PDE4D: variants seen among roughly 807,000 people sequenced by gnomAD.
The protein encoded by PDE4D is 3',5'-cyclic-AMP phosphodiesterase 4D.
PDE4D carries 24 observed loss-of-function variants against 87.4 expected under a neutral mutation model. That is an observed-to-expected ratio of 0.27 (90% confidence interval 0.20 to 0.39). PDE4D has a LOEUF of 0.39. PDE4D is among the 10% of genes least tolerant of loss of function. PDE4D has a pLI of 1.00. For missense variants in PDE4D, 714 were observed against 1,041.0 expected (o/e 0.69, Z 4.32); for synonymous variants, 384 against 383.2 (o/e 1.00, Z -0.02).
intron 1 of PDE4D, chr5:60,429,862 AC>A: frequency 1.2e-5 from 4 of 325,568 alleles, no homozygotes; most frequent in South Asian, 2.6e-5. Flanking sequence ...TTTTTTTTAA[AC>A]AATTTTATAA....
chr5:59,358,839 T>C (rs1741857516), intron 1 of PDE4D, among the ~76,000 whole-genome samples: 1 of 152,184 alleles, frequency 6.6e-6, no homozygotes, highest in South Asian at 2.1e-4. Context: ...TCTCATTTTG[T>C]CCAGTGGTGT....
At chr5:59,821,778 C>T (rs901009482) in intron 1 of PDE4D, among the ~76,000 whole-genome samples, 6 of 152,136 alleles carry the variant, frequency 3.9e-5, no homozygotes, top group Non-Finnish European at 5.9e-5. Context: ...CCAATTTCTA[C>T]GGTGTAAATA....
intron 1 of PDE4D, among the ~76,000 whole-genome samples, chr5:59,854,788 G>A (rs73761012): frequency 0.093 from 14,089 of 152,118 alleles, 2,021 homozygotes; most frequent in African/African-American, 0.31. Flanking sequence ...TCTAATGTGA[G>A]TTATTAACAT....
intron 1 of PDE4D, among the ~76,000 whole-genome samples, chr5:59,741,181 G>T (rs1259074416): frequency 6.6e-6 from 1 of 152,126 alleles, no homozygotes; most frequent in Admixed American, 6.6e-5. Context: ...AACAATTTGT[G>T]TCTATGTCCC....
intron 1 of PDE4D, among the ~76,000 whole-genome samples, chr5:59,229,442 A>AT (rs1754638492): frequency 6.6e-6 from 1 of 152,208 alleles, no homozygotes; most frequent in Non-Finnish European, 1.5e-5. Context: ...CTAAGAAGGC[A>AT]TTTTAACGGG....
rs186493118 is a variant in PDE4D at position 59,673,363 on chromosome 5, T to G, written c.455+219805A>C. 2.0e-5 allele frequency among the ~76,000 whole-genome samples: 3 copies of G among 152,306 alleles called. No individual in the cohort carries two copies. In the East Asian group the frequency reaches 5.8e-4, roughly 29 times the overall value. On this transcript the variant is annotated intron_variant, in intron 1 of 14. Coordinates refer to ENST00000340635, the MANE Select transcript of PDE4D (RefSeq NM_001104631.2). The stretch of plus-strand genomic sequence containing the variant: ...AGATGTTTCCTTGTTACTAGTATGT[T>G]TTTGGAAAGCAAAAGAGACCTTCCG...
upstream of PDE4D, among the ~76,000 whole-genome samples, chr5:59,895,183 T>C (rs2152758096): frequency 6.6e-6 from 1 of 152,260 alleles, no homozygotes; most frequent in South Asian, 2.1e-4. Flanking sequence ...CTGCTGAAAA[T>C]TCAACACTCT....
At position 59,490,127 on chromosome 5, in the gene PDE4D, T is replaced by G. The variant is rs982398548; in HGVS notation, c.456-274159A>C. On this transcript the variant is annotated intron_variant, in intron 1 of 14. Coordinates refer to ENST00000340635, the MANE Select transcript of PDE4D (RefSeq NM_001104631.2). The stretch of plus-strand genomic sequence containing the variant: ...TACAAAGATGAGATACCCTTACAAT[T>G]ATCTCATTTTACAAACTGATTTTCT... Among the ~76,000 whole-genome samples the G allele has an allele frequency of 3.3e-5, 5 of 152,218 alleles. No homozygotes were observed. In the South Asian group the frequency reaches 1.0e-3, roughly 31 times the overall value.
chr5:59,328,042 A>T (rs1321929513), intron 1 of PDE4D, among the ~76,000 whole-genome samples: 1 of 152,236 alleles, frequency 6.6e-6, no homozygotes, highest in African/African-American at 2.4e-5. Flanking sequence ...ATAATAGCAC[A>T]TGTGGTCCAA....
intron 1 of PDE4D, among the ~76,000 whole-genome samples, chr5:59,230,982 T>G (rs556513294): frequency 4.6e-5 from 7 of 152,276 alleles, no homozygotes; most frequent in South Asian, 2.1e-4. Context: ...AAATATATAG[T>G]GGAGAATAAA....
intron 1 of PDE4D, among the ~76,000 whole-genome samples, chr5:59,516,003 G>A (rs142698190): frequency 2.0e-4 from 31 of 152,166 alleles, no homozygotes; most frequent in Non-Finnish European, 4.0e-4. Flanking sequence ...AGAACTTTAC[G>A]GTGAAATAAA....
At chr5:59,304,605 AG>A (rs1436373193) in intron 1 of PDE4D, among the ~76,000 whole-genome samples, 1 of 152,186 alleles carries the variant, frequency 6.6e-6, no homozygotes, top group Non-Finnish European at 1.5e-5. Flanking sequence ...TTAATCATAA[AG>A]GGATGCTGGA....
intron 5 of PDE4D, among the ~76,000 whole-genome samples, chr5:59,148,082 CA>C (rs1477775272): frequency 6.6e-6 from 1 of 152,056 alleles, no homozygotes; most frequent in East Asian, 1.9e-4. Context: ...AATTGATATT[CA>C]AGCCAATAAT....
At chr5:59,771,523 A>AAAGAAAGAAAGG (rs1261673566) in intron 1 of PDE4D, among the ~76,000 whole-genome samples, 1 of 146,668 alleles carries the variant, frequency 6.8e-6, no homozygotes, top group Non-Finnish European at 1.5e-5. Flanking sequence ...AGAAAGAAAG[A>AAAGAAAGAAAGG]AAGAAAGAAA....
intron 2 of PDE4D, among the ~76,000 whole-genome samples, chr5:60,086,408 T>C (rs1020221075): frequency 3.3e-5 from 5 of 152,230 alleles, no homozygotes; most frequent in African/African-American, 4.8e-5. Context: ...ATATTTTTTA[T>C]ATTTAAGCAT....
rs562215062 is a variant in PDE4D at position 60,136,912 on chromosome 5, G to T, written c.42+48645C>A. Among the ~76,000 whole-genome samples, 21 of 152,124 alleles carry T rather than the reference G, an allele frequency of 1.4e-4. No individual in the cohort carries two copies. The East Asian group carries it at 3.9e-3, about 28-fold the overall frequency. On this transcript the variant is annotated intron_variant, in intron 2 of 16. Coordinates refer to the PDE4D transcript ENST00000502484. ...CTGCATAGATCATCCCATTACCCAG[G>T]TATTAAGCCCAGCATCCATTGGCTA...
chr5:59,336,534 C>G (rs1187566638), intron 1 of PDE4D, among the ~76,000 whole-genome samples: 2 of 152,196 alleles, frequency 1.3e-5, no homozygotes, highest in Non-Finnish European at 2.9e-5. Context: ...GGCCAGGCAT[C>G]TCAGGGTTCA....
chr5:60,316,624 T>C (rs1693653716), intron 1 of PDE4D, among the ~76,000 whole-genome samples: 1 of 152,188 alleles, frequency 6.6e-6, no homozygotes, highest in Non-Finnish European at 1.5e-5. Context: ...GGCTGTGGGT[T>C]TGTCATAGAT....
intron 1 of PDE4D, among the ~76,000 whole-genome samples, chr5:59,681,145 A>G (rs1748929556): frequency 6.6e-6 from 1 of 152,184 alleles, no homozygotes; most frequent in African/African-American, 2.4e-5. Flanking sequence ...TGGATAAAAG[A>G]ACAAGAGTCT....
Sources: gnomAD v4.1 joint callset for allele counts (sites outside exome capture counted in the v4.1 genomes callset) on GRCh38, gnomAD v4.1.1 for gene constraint, MANE v1.5 for transcripts, NCBI Gene and HGNC (gene_info 2026-07-23, HGNC 2026-07-21) for gene names.